Variants in PRKG1 observed in about 807,000 individuals in gnomAD.
PRKG1 encodes the protein protein kinase cGMP-dependent 1, also known as cGMP-dependent protein kinase 1.
Under a neutral mutation model 88.1 loss-of-function variants are expected in PRKG1, and 35 were observed. The ratio of observed to expected loss-of-function variants is 0.40; its 90% CI spans 0.30 to 0.53. PRKG1 has a LOEUF of 0.53. PRKG1 is among the 20% of genes least tolerant of loss of function. The probability of loss-of-function intolerance (pLI) is 0.59; values close to 1 mark genes in which losing one functional copy is unlikely to be tolerated. For missense variants in PRKG1, 540 were observed against 839.8 expected (o/e 0.64, Z 4.41); for synonymous variants, 303 against 292.5 (o/e 1.04, Z -0.37).
intron 4 of PRKG1, among the ~76,000 whole-genome samples, chr10:51,816,583 C>G (rs1478782511): frequency 2.2e-5 from 3 of 138,348 alleles, no homozygotes; most frequent in African/African-American, 3.1e-5. Context: ...AATCATCCAT[C>G]CATAGTTAAA....
chr10:52,028,166 A>C (rs1270509253), intron 5 of PRKG1, among the ~76,000 whole-genome samples: 1 of 152,046 alleles, frequency 6.6e-6, no homozygotes, highest in Non-Finnish European at 1.5e-5. Context: ...CTGCCCTCAC[A>C]ATAGGAGATT....
intron 3 of PRKG1, among the ~76,000 whole-genome samples, chr10:51,555,410 A>AAGACAACT (rs1837284858): frequency 6.6e-6 from 1 of 151,980 alleles, no homozygotes; most frequent in Admixed American, 6.6e-5. Context: ...ACTTAAGAAA[A>AAGACAACT]AGACAACTAG....
intron 5 of PRKG1, among the ~76,000 whole-genome samples, chr10:51,976,131 T>A (rs1357116615): frequency 6.6e-6 from 1 of 151,986 alleles, no homozygotes; most frequent in Non-Finnish European, 1.5e-5. Context: ...TTAGGGATGA[T>A]GTGGATAAAT....
In PRKG1 at chr10:51,301,688, A is replaced by G. The variant is rs539086620; in HGVS notation, c.478+148358A>G. ...CAGTCAATGGAAGCCAAGCTGGCCC[A>G]GTCAGTCTGTGGGCATGTGAGCTGA... On this transcript the variant is annotated intron_variant, in intron 2 of 17. Transcript: ENST00000373980. Among the ~76,000 whole-genome samples the G allele has an allele frequency of 1.2e-3, 188 of 152,328 alleles. 1 individual carries two copies. The highest frequency in any genetic ancestry group is 4.4e-3 in the African/African-American group (183 of 41,586).
intron 2 of PRKG1, among the ~76,000 whole-genome samples, chr10:51,250,132 C>T (rs1039509371): frequency 4.6e-5 from 7 of 151,696 alleles, no homozygotes; most frequent in African/African-American, 1.7e-4. Flanking sequence ...AACTCCCCAA[C>T]CTACCCTAAA....
At chr10:51,524,204 C>T (rs964149080) in intron 3 of PRKG1, among the ~76,000 whole-genome samples, 4 of 152,158 alleles carry the variant, frequency 2.6e-5, no homozygotes, top group African/African-American at 9.7e-5. Context: ...GCCTGTGGAA[C>T]CATGAGTCAA....
chr10:51,264,906 A>G (rs1181451247), intron 2 of PRKG1, among the ~76,000 whole-genome samples: 8 of 152,194 alleles, frequency 5.3e-5, no homozygotes, highest in African/African-American at 1.9e-4. Context: ...CAGTGGTGGC[A>G]ATTATTCACC....
rs146693429 is a variant in PRKG1, at chr10:51,689,441, A to G, written c.593-115144A>G. Among the ~76,000 whole-genome samples the G allele has an allele frequency of 3.2e-3, 495 of 152,354 alleles. 3 individuals carry two copies. Among genetic ancestry groups the G allele is most frequent in the African/African-American group, 0.011 (460 of 41,588 alleles). ...TTGTTTGGGAACAAACATGATTTAC[A>G]TGATAAATATAACATGGGCATAATG... On this transcript the variant is annotated intron_variant, in intron 3 of 17. Coordinates refer to ENST00000373980, the MANE Select transcript of PRKG1 (RefSeq NM_006258.4).
intron 5 of PRKG1, among the ~76,000 whole-genome samples, chr10:51,945,882 C>G (rs1445780194): frequency 2.6e-5 from 4 of 151,426 alleles, no homozygotes; most frequent in Non-Finnish European, 4.4e-5. Context: ...TCTGGCTGCC[C>G]TTAACATTTT....
At chr10:52,137,455 G>A (rs1352826809) in intron 8 of PRKG1, among the ~76,000 whole-genome samples, 3 of 151,846 alleles carry the variant, frequency 2.0e-5, no homozygotes, top group Non-Finnish European at 2.9e-5. Context: ...TCTTATTTTG[G>A]AATCTGTGAA....
intron 7 of PRKG1, among the ~76,000 whole-genome samples, chr10:52,123,123 A>G (rs1303024841): frequency 6.6e-6 from 1 of 152,206 alleles, no homozygotes; most frequent in African/African-American, 2.4e-5. Context: ...GAAGAATGCC[A>G]TAGAAAGTGA....
At chr10:51,296,658 G>C (rs1331152913) in intron 2 of PRKG1, among the ~76,000 whole-genome samples, 3 of 151,726 alleles carry the variant, frequency 2.0e-5, no homozygotes, top group Admixed American at 6.6e-5. Context: ...ATTGTTGTCT[G>C]TTTCTTATTT....
At position 51,735,028 on chromosome 10, in the gene PRKG1, C is replaced by G. The variant is rs1436261333; in HGVS notation, c.593-69557C>G. Among the ~76,000 whole-genome samples, 3 of 152,100 alleles carry G rather than the reference C, an allele frequency of 2.0e-5. No individual in the cohort carries two copies. The East Asian group carries it at 5.8e-4, about 29-fold the overall frequency. ...ATAAAAATCCCGGGCTCTGAAGAAG[C>G]AGAGTGAGATAGGGAATTAGGTAGG... On this transcript the variant is annotated intron_variant, in intron 3 of 17. Transcript: ENST00000373980.
At chr10:51,527,822 G>C (rs1346556491) in intron 3 of PRKG1, among the ~76,000 whole-genome samples, 7 of 152,140 alleles carry the variant, frequency 4.6e-5, no homozygotes, top group African/African-American at 1.7e-4. Flanking sequence ...CTTTAAGCTT[G>C]TATTTCAAAC....
intron 3 of PRKG1, among the ~76,000 whole-genome samples, chr10:51,747,769 T>C (rs1376689442): frequency 6.6e-6 from 1 of 152,162 alleles, no homozygotes; most frequent in Non-Finnish European, 1.5e-5. Flanking sequence ...TTAGGACTTT[T>C]TTTTGGAGAG....
intron 2 of PRKG1, among the ~76,000 whole-genome samples, chr10:51,249,957 G>T (rs1839387921): frequency 6.6e-6 from 1 of 151,748 alleles, no homozygotes; most frequent in Non-Finnish European, 1.5e-5. Flanking sequence ...ATGCTTCATA[G>T]CTTAGAACAT....
At position 51,671,572 on chromosome 10, in the gene PRKG1, T is replaced by TTCTCTC. The variant is rs775680768; in HGVS notation, c.593-132999_593-132994dup. The stretch of plus-strand genomic sequence containing the variant: ...TATATTTCTGTCTCAGTGCCTCTTC[T>TTCTCTC]TCTCTCTCTCTCTCTCTCTTTTTTT... On this transcript the variant is annotated intron_variant, in intron 3 of 17. Transcript: ENST00000373980. 2.3e-3 allele frequency among the ~76,000 whole-genome samples: 354 copies of TTCTCTC among 151,086 alleles called. 2 individuals carry two copies. Among genetic ancestry groups the TTCTCTC allele is most frequent in the South Asian group, 0.016 (78 of 4,770 alleles).
At chr10:51,722,624 T>C (rs764741435) in intron 3 of PRKG1, among the ~76,000 whole-genome samples, 1 of 152,150 alleles carries the variant, frequency 6.6e-6, no homozygotes, top group African/African-American at 2.4e-5. Flanking sequence ...TTCACCTCTA[T>C]GGCAAAGAAA....
chr10:51,267,462 T>C (rs1364398414), intron 2 of PRKG1, among the ~76,000 whole-genome samples: 1 of 152,230 alleles, frequency 6.6e-6, no homozygotes, highest in Non-Finnish European at 1.5e-5. Context: ...CTGCAAAATA[T>C]ATCTTTATAT....
Sources: allele counts gnomAD v4.1 joint callset (sites outside exome capture counted in the v4.1 genomes callset), GRCh38; gene constraint gnomAD v4.1.1; transcripts MANE v1.5; gene names NCBI Gene and HGNC (gene_info 2026-07-23, HGNC 2026-07-21).